The following RAB20 variants were observed in gnomAD, a reference collection of about 807,000 sequenced individuals.
RAB20 encodes the protein ras-related protein Rab-20.
A neutral mutation model predicts 3.7 loss-of-function variants in RAB20; 2 were observed. That is an observed-to-expected ratio of 0.54 (90% CI 0.22 to 1.69). The LOEUF (loss-of-function observed/expected upper bound fraction) is 1.69, where lower values mean the gene tolerates loss of function less well. Among genes scored for constraint, RAB20 ranks in the 40% most tolerant of loss-of-function variants. The pLI is 0.19. For synonymous variants in RAB20, 126 were observed against 130.8 expected (o/e 0.96, Z 0.25); for missense variants, 276 against 311.9 (o/e 0.88, Z 0.87).
rs953089894 is a variant in RAB20 at position 110,557,745 on chromosome 13, C to T, written c.172+3603G>A. Among the ~76,000 whole-genome samples, 5 of 152,224 alleles carry T rather than the reference C, an allele frequency of 3.3e-5. No homozygotes were observed. In the East Asian group the frequency reaches 9.6e-4, roughly 29 times the overall value. On this transcript the variant is annotated intron_variant, in intron 1 of 1. Transcript: ENST00000267328. ...CTCCCCGCCGCCTTCCAAGCTGGCT[C>T]TTCAAGGGCCAGGTGCTGGGGATGC...
chr13:110,524,269 G>T (rs1062004), intron 1 of RAB20, 72 bp from the exon 2 acceptor site: 519,395 of 1,500,802 alleles, frequency 0.35, 90,455 homozygotes, highest in Admixed American at 0.42. Flanking sequence ...CACACTGCAA[G>T]GGAACGTCCC....
At chr13:110,539,399 A>G (rs901366343) in intron 1 of RAB20, among the ~76,000 whole-genome samples, 1 of 152,198 alleles carries the variant, frequency 6.6e-6, no homozygotes, top group African/African-American at 2.4e-5. Context: ...CGCGAAATGA[A>G]GCTTTTTTCC....
intron 1 of RAB20, among the ~76,000 whole-genome samples, chr13:110,552,433 C>T (rs1217762208): frequency 6.6e-6 from 1 of 151,016 alleles, no homozygotes; most frequent in East Asian, 1.9e-4. Context: ...GTGGCTCACG[C>T]CTGTAATCCC....
Position 110,539,754 on chromosome 13 carries a change from A to G in RAB20, c.173-15557T>C, listed in dbSNP as rs184151237. Among the ~76,000 whole-genome samples, 1,443 of 152,020 alleles carry G rather than the reference A, an allele frequency of 9.5e-3. 26 individuals are homozygous for G. The highest frequency in any genetic ancestry group is 0.033 in the African/African-American group (1,380 of 41,478). On this transcript the variant is annotated intron_variant, in intron 1 of 1. Transcript: ENST00000267328. ...TTTGTATTTTTAGTAGAGACGGGGT[A>G]TCACCATGTTGGCCAGGCTGGTCTC...
At chr13:110,536,811 A>AG (rs35714294) in intron 1 of RAB20, among the ~76,000 whole-genome samples, 47,206 of 138,388 alleles carry the variant, frequency 0.34, 8,653 homozygotes, top group African/African-American at 0.5. Context: ...TTTAAGTTCT[A>AG]GGTACATGTG....
intron 1 of RAB20, among the ~76,000 whole-genome samples, chr13:110,549,365 C>A (rs1884909380): frequency 6.6e-6 from 1 of 152,232 alleles, no homozygotes; most frequent in Non-Finnish European, 1.5e-5. Context: ...TTTGGCATTT[C>A]CGAATTTCTA....
rs534266335 is a variant in RAB20 at position 110,538,917 on chromosome 13, T to G, written c.173-14720A>C. ...TCCAGGAAACATCTCATGAAAACTC[T>G]GCTCAATTGTACCAAGAAAATACTC... On this transcript the variant is annotated intron_variant, in intron 1 of 1. Coordinates refer to ENST00000267328, the MANE Select transcript of RAB20 (RefSeq NM_017817.3). Among the ~76,000 whole-genome samples, 11 of 152,288 alleles carry G rather than the reference T, an allele frequency of 7.2e-5. No individual in the cohort carries two copies. In the East Asian group the frequency reaches 2.1e-3, roughly 29 times the overall value.
Position 110,536,731 on chromosome 13 carries a change from G to C in RAB20, c.173-12534C>G, listed in dbSNP as rs1295882746. Among the ~76,000 whole-genome samples, 7 of 107,804 alleles carry C rather than the reference G, an allele frequency of 6.5e-5. 2 individuals are homozygous for C. The East Asian group carries it at 2.3e-3, about 36-fold the overall frequency. 70.7% of individuals were successfully genotyped at this position (107,804 alleles called of 152,430 possible). On this transcript the variant is annotated intron_variant, in intron 1 of 1. Coordinates refer to ENST00000267328, the MANE Select transcript of RAB20 (RefSeq NM_017817.3). Reference sequence around the variant, plus strand: ...AAAATGGCTTTTTTTTGGGGCGGTGGGGGGGGGTTGTTTTTATGTTTATTT... The same window carrying C: ...AAAATGGCTTTTTTTTGGGGCGGTGCGGGGGGGTTGTTTTTATGTTTATTT...
At chr13:110,558,018 G>A (rs1024630486) in intron 1 of RAB20, among the ~76,000 whole-genome samples, 1 of 152,226 alleles carries the variant, frequency 6.6e-6, no homozygotes, top group Non-Finnish European at 1.5e-5. Flanking sequence ...CAGGGCCTGC[G>A]GGGCAGCGGC....
At chr13:110,554,567 T>C (rs1166039415) in intron 1 of RAB20, among the ~76,000 whole-genome samples, 5 of 152,144 alleles carry the variant, frequency 3.3e-5, no homozygotes, top group Admixed American at 6.5e-5. Flanking sequence ...GCCAATCTCT[T>C]AGCTAACTTC....
At chr13:110,551,558 C>T (rs1884950812) in intron 1 of RAB20, among the ~76,000 whole-genome samples, 1 of 152,252 alleles carries the variant, frequency 6.6e-6, no homozygotes, top group Non-Finnish European at 1.5e-5. Flanking sequence ...GAGACAGCAC[C>T]AGGGAAGCCA....
intron 1 of RAB20, among the ~76,000 whole-genome samples, chr13:110,557,885 C>G (rs1469626839): frequency 6.6e-6 from 1 of 152,258 alleles, no homozygotes; most frequent in Non-Finnish European, 1.5e-5. Flanking sequence ...GCTCTGGGGA[C>G]CAGGTCTGTG....
chr13:110,544,333 T>G (rs1884816429), intron 1 of RAB20, among the ~76,000 whole-genome samples: 1 of 152,242 alleles, frequency 6.6e-6, no homozygotes, highest in Non-Finnish European at 1.5e-5. Flanking sequence ...AGTGTGATGC[T>G]TCCAGCTTTA....
At chr13:110,552,289 G>C (rs1177139156) in intron 1 of RAB20, among the ~76,000 whole-genome samples, 1 of 150,738 alleles carries the variant, frequency 6.6e-6, no homozygotes, top group African/African-American at 2.4e-5. Context: ...TGAGGCAGGA[G>C]AATCACTTGA....
At chr13:110,529,098 T>C (rs1207978792) in intron 1 of RAB20, among the ~76,000 whole-genome samples, 2 of 152,212 alleles carry the variant, frequency 1.3e-5, no homozygotes, top group East Asian at 3.8e-4. Flanking sequence ...TTAATCCTAA[T>C]TGAATTTGAG....
At chr13:110,525,484 G>A (rs2139572567) in intron 1 of RAB20, among the ~76,000 whole-genome samples, 1 of 152,312 alleles carries the variant, frequency 6.6e-6, no homozygotes, top group South Asian at 2.1e-4. Flanking sequence ...CCCCAAGGGG[G>A]CCCGCTCACC....
At chr13:110,534,604 T>C (rs1884606846) in intron 1 of RAB20, among the ~76,000 whole-genome samples, 1 of 152,138 alleles carries the variant, frequency 6.6e-6, no homozygotes, top group Non-Finnish European at 1.5e-5. Flanking sequence ...CACTTCTTCA[T>C]TGAGGGTTCC....
chr13:110,552,753 A>T (rs1303640056), intron 1 of RAB20, among the ~76,000 whole-genome samples: 1 of 152,132 alleles, frequency 6.6e-6, no homozygotes, highest in Non-Finnish European at 1.5e-5. Context: ...ATTTCTCCAG[A>T]GAGCTTAAAG....
At chr13:110,537,803 AC>A (rs762809994) in intron 1 of RAB20, among the ~76,000 whole-genome samples, 5 of 151,482 alleles carry the variant, frequency 3.3e-5, no homozygotes, top group Non-Finnish European at 7.4e-5. Flanking sequence ...TCAGTGCATC[AC>A]CCCCAGCCCA....
Sources: allele counts gnomAD v4.1 joint callset (sites outside exome capture counted in the v4.1 genomes callset), GRCh38; gene constraint gnomAD v4.1.1; transcripts MANE v1.5; gene names NCBI Gene and HGNC (gene_info 2026-07-23, HGNC 2026-07-21).